DNAH6: variants seen among roughly 807,000 people sequenced by gnomAD.
The protein encoded by DNAH6 is axonemal beta dynein heavy chain 6.
DNAH6 carries 340 observed loss-of-function variants against 491.4 expected under a neutral mutation model. The observed-to-expected ratio is 0.69, with a 90% CI of 0.63 to 0.76. The LOEUF is 0.76. DNAH6 is among the 30% of genes least tolerant of loss of function. The pLI, the probability that DNAH6 is intolerant of heterozygous loss-of-function variation, is 0.00. For missense variants in DNAH6, 4,443 were observed against 4,972.2 expected, an observed-to-expected ratio of 0.89 and a Z score of 3.20; for synonymous variants, 1,603 against 1,686.1, an observed-to-expected ratio of 0.95 and a Z score of 1.21.
intron 36 of DNAH6, 133 bp from the exon 37 acceptor site, chr2:84,658,893 A>G: frequency 1.9e-6 from 1 of 528,230 alleles, no homozygotes; most frequent in Non-Finnish European, 3.2e-6. Flanking sequence ...AGTGAAGTAT[A>G]AGAAATATAC....
At position 84,781,652 on chromosome 2, in the gene DNAH6, A is replaced by G; in HGVS notation, c.10863A>G (p.Pro3621=). 3 of 1,551,220 alleles carry G rather than the reference A, an allele frequency of 1.9e-6. No homozygotes were observed. Among genetic ancestry groups the G allele is most frequent in the Middle Eastern group, 1.7e-4 (1 of 5,988 alleles). The change falls in exon 65 of 77, where the codon CCA becomes CCG. Residue 3621 remains proline, a splice_region_variant and synonymous_variant. Transcript: ENST00000389394. The part of the protein sequence containing the change: ...MEELIKTFTD[P]DSAIKDTFRL... ...AGCTCATTAAAACCTTCACAGATCCAGGTATGTTGAGCATATAGCCCTTGC... is the reference window on the plus strand; with the variant it reads ...AGCTCATTAAAACCTTCACAGATCCGGGTATGTTGAGCATATAGCCCTTGC...
At chr2:84,532,275 T>G (rs1427834480) in intron 4 of DNAH6, among the ~76,000 whole-genome samples, 2 of 152,178 alleles carry the variant, frequency 1.3e-5, no homozygotes, top group African/African-American at 4.8e-5. Flanking sequence ...GAAGTGACGC[T>G]TAATAGTAAT....
intron 70 of DNAH6, among the ~76,000 whole-genome samples, chr2:84,805,463 C>T (rs756780351): frequency 1.3e-5 from 2 of 152,108 alleles, no homozygotes; most frequent in Non-Finnish European, 2.9e-5. Context: ...CAACATTGTA[C>T]CTATAGTCAG....
intron 65 of DNAH6, 150 bp downstream of exon 65, chr2:84,781,803 AT>A: frequency 1.0e-6 from 1 of 968,424 alleles, no homozygotes; most frequent in Non-Finnish European, 1.4e-6. Context: ...GATTTAGCTA[AT>A]TTACACAACC....
At chr2:84,748,330 T>A (rs1372463446) in intron 63 of DNAH6, among the ~76,000 whole-genome samples, 3 of 152,214 alleles carry the variant, frequency 2.0e-5, no homozygotes, top group Admixed American at 6.5e-5. Flanking sequence ...CATATCTGAT[T>A]GTAGGCTGTT....
At chr2:84,735,262 T>C (rs532826153) in intron 62 of DNAH6, among the ~76,000 whole-genome samples, 4 of 152,362 alleles carry the variant, frequency 2.6e-5, no homozygotes, top group African/African-American at 9.6e-5. Context: ...GTATTCCATG[T>C]GTATATATAC....
chr2:84,485,384 A>C, the DNAH6 span, among the ~76,000 whole-genome samples: 1 of 152,090 alleles, frequency 6.6e-6, no homozygotes, highest in Admixed American at 6.5e-5. Context: ...AAAGGAGAGA[A>C]TAAGGAAGGG....
At position 84,604,424 on chromosome 2, in the gene DNAH6, T is replaced by A. The variant is rs1220639544; in HGVS notation, c.2954T>A (p.Val985Glu). 6 of 1,552,080 alleles carry A rather than the reference T, an allele frequency of 3.9e-6. No individual in the cohort carries two copies. Among genetic ancestry groups the A allele is most frequent in the Non-Finnish European group, 5.2e-6 (6 of 1,147,050 alleles). Residue 985 changes from valine to glutamate, a missense_variant, in exon 19 of 77, where the codon GTG becomes GAG. By Grantham distance (121) the Val-to-Glu change is moderately radical. Transcript: ENST00000389394. ...GAACAAACAGTTGATGCCACTCTAG[T>A]GGATGCTGAAATTCCATTAACCTTG... The part of the protein sequence containing the change: ...AIEQTVDATL[V>E]DAEIPLTLER...
chr2:84,801,027 A>G (rs1423451816), intron 70 of DNAH6, among the ~76,000 whole-genome samples: 2 of 144,664 alleles, frequency 1.4e-5, no homozygotes, highest in Non-Finnish European at 3.0e-5. Flanking sequence ...ATTCTCACTC[A>G]TAGGTGGGAA....
chr2:84,731,353 G>A (rs1391042403), intron 61 of DNAH6, among the ~76,000 whole-genome samples: 1 of 152,230 alleles, frequency 6.6e-6, no homozygotes, highest in Non-Finnish European at 1.5e-5. Context: ...AAAAGGTGGG[G>A]CTGCCTTCTT....
the DNAH6 span, among the ~76,000 whole-genome samples, chr2:84,481,991 C>A: frequency 6.6e-6 from 1 of 152,202 alleles, no homozygotes; most frequent in Non-Finnish European, 1.5e-5. Context: ...AGAAGTCACA[C>A]CCCGTGATGC....
intron 31 of DNAH6, among the ~76,000 whole-genome samples, chr2:84,639,917 G>A (rs753717450): frequency 4.6e-5 from 7 of 152,170 alleles, no homozygotes; most frequent in Non-Finnish European, 7.4e-5. Context: ...GAGACACTAA[G>A]CATCATCTGA....
intron 30 of DNAH6, among the ~76,000 whole-genome samples, chr2:84,635,857 G>A (rs1433927700): frequency 6.6e-6 from 1 of 152,082 alleles, no homozygotes; most frequent in African/African-American, 2.4e-5. Context: ...TCTCCTCCAG[G>A]CTGTGGCACA....
chr2:84,814,117 A>G lies in DNAH6; in HGVS notation c.12145A>G (p.Met4049Val), dbSNP rs936391329. The change falls in exon 75 of 77, where the codon ATG becomes GTG. Residue 4049 changes from methionine (M) to valine (V), a missense_variant. Physicochemically the swap from Met to Val is conservative, Grantham distance 21 (BLOSUM62 1). This residue lies in a region of DNAH6 where 1,463 missense variants were observed against 1,656.6 expected (regional missense o/e 0.88). Coordinates refer to ENST00000389394, the MANE Select transcript of DNAH6 (RefSeq NM_001370.2). ...ATTTGGACAAGAACTGCCCATGGAC[A>G]TGGAGGTATTGTCCACCTGGCTGTT... is the stretch of plus-strand genomic sequence containing the variant. ...VQFGQELPMD[M>V]ELPSPEDGVL... The G allele has an allele frequency of 2.6e-6, 4 of 1,551,526 alleles. No homozygotes were observed. Among genetic ancestry groups the G allele is most frequent in the East Asian group, 2.4e-5 (1 of 40,914 alleles).
intron 21 of DNAH6, among the ~76,000 whole-genome samples, chr2:84,608,739 T>C (rs373556317): frequency 1.3e-5 from 2 of 152,290 alleles, no homozygotes; most frequent in East Asian, 3.9e-4. Flanking sequence ...TAAATGAGCA[T>C]TGGTTCTAAC....
intron 33 of DNAH6, among the ~76,000 whole-genome samples, chr2:84,645,940 G>T (rs1689849602): frequency 6.6e-6 from 1 of 152,154 alleles, no homozygotes; most frequent in Non-Finnish European, 1.5e-5. Context: ...AAAGTTGAGG[G>T]CAGAGGTATC....
chr2:84,647,898 C>T (rs1301357181), intron 33 of DNAH6, among the ~76,000 whole-genome samples: 1 of 152,136 alleles, frequency 6.6e-6, no homozygotes, highest in African/African-American at 2.4e-5. Flanking sequence ...GAAAGCATAA[C>T]ATTCCTATGC....
chr2:84,707,101 A>T, intron 53 of DNAH6, 82 bp downstream of exon 53: 1 of 1,413,102 alleles, frequency 7.1e-7, no homozygotes, highest in South Asian at 1.5e-5. Context: ...ATCAGGTTTC[A>T]GCTTTTATCC....
intron 68 of DNAH6, among the ~76,000 whole-genome samples, chr2:84,795,241 A>G (rs1407812045): frequency 6.6e-6 from 1 of 151,796 alleles, no homozygotes; most frequent in Non-Finnish European, 1.5e-5. Flanking sequence ...TGGGTGCAGC[A>G]CACCAGCATG....
Sources: allele counts gnomAD v4.1 joint callset (sites outside exome capture counted in the v4.1 genomes callset), GRCh38; gene constraint gnomAD v4.1.1; regional missense constraint gnomAD v4.1.1; transcripts MANE v1.5; gene names NCBI Gene and HGNC (gene_info 2026-07-23, HGNC 2026-07-21).